The following KIAA0586 variants were observed in gnomAD, a reference collection of about 807,000 sequenced individuals.
KIAA0586 encodes protein TALPID3.
In KIAA0586, 144 loss-of-function variants were observed where a neutral mutation model predicts 169.8. That is an observed-to-expected ratio of 0.85 (90% CI 0.74 to 0.97). KIAA0586 has a LOEUF of 0.97. Ranked by LOEUF, KIAA0586 falls within the 50% of genes least tolerant of loss-of-function variation. The pLI is 0.00. For synonymous variants in KIAA0586, 625 were observed against 612.4 expected (o/e 1.02, Z -0.30); for missense variants, 1,854 against 1,823.0 (o/e 1.02, Z -0.31).
intron 29 of KIAA0586, among the ~76,000 whole-genome samples, chr14:58,535,708 T>C (rs1472575247): frequency 6.6e-6 from 1 of 151,944 alleles, no homozygotes; most frequent in Admixed American, 6.5e-5. Flanking sequence ...GATTTTTTTT[T>C]TTTTTTTTAG....
chr14:58,430,205 C>T (rs1417018046), intron 2 of KIAA0586, among the ~76,000 whole-genome samples: 2 of 149,888 alleles, frequency 1.3e-5, no homozygotes, highest in Non-Finnish European at 3.0e-5. Context: ...TTAATGATAT[C>T]TAAACTTCTC....
At chr14:58,486,665 AAAAC>A (rs2042466807) in intron 21 of KIAA0586, among the ~76,000 whole-genome samples, 2 of 152,264 alleles carry the variant, frequency 1.3e-5, no homozygotes, top group Admixed American at 6.5e-5. Context: ...AAAAATTTTA[AAAAC>A]AAACAACTAC....
intron 25 of KIAA0586, among the ~76,000 whole-genome samples, chr14:58,490,950 T>C (rs1255835338): frequency 6.6e-6 from 1 of 152,146 alleles, no homozygotes; most frequent in Non-Finnish European, 1.5e-5. Context: ...AAATACTTCA[T>C]TAAGAAGTTT....
chr14:58,456,789 A>G lies in KIAA0586; in HGVS notation c.1341A>G (p.Lys447=), dbSNP rs755857778. ...TTCATGACCTTGGCCAAAAAGAGAA[A>G]GAAACAAATAGCATGGTCCAGGTAA... ...DVLHDLGQKE[K]ETNSMVQPKE... Residue 447 remains lysine (K), a synonymous_variant, in exon 10 of 31, where the codon AAA becomes AAG. Coordinates refer to ENST00000652326, the MANE Select transcript of KIAA0586 (RefSeq NM_001329943.3). 30 of 1,588,906 alleles carry G rather than the reference A, an allele frequency of 1.9e-5. No homozygotes were observed. Among genetic ancestry groups the G allele is most frequent in the Non-Finnish European group, 2.5e-5 (29 of 1,162,494 alleles).
chr14:58,445,756 A>G (rs1186531604), intron 6 of KIAA0586, among the ~76,000 whole-genome samples: 1 of 148,554 alleles, frequency 6.7e-6, no homozygotes, highest in Non-Finnish European at 1.5e-5. Context: ...TCTAACTCCT[A>G]GAACACGACT....
intron 14 of KIAA0586, among the ~76,000 whole-genome samples, chr14:58,464,774 GA>G (rs2040605361): frequency 6.6e-6 from 1 of 152,120 alleles, no homozygotes; most frequent in African/African-American, 2.4e-5. Context: ...TCTGATAACT[GA>G]GATGGTAACT....
downstream of KIAA0586, among the ~76,000 whole-genome samples, chr14:58,552,393 A>G (rs1428593104): frequency 6.6e-6 from 1 of 152,202 alleles, no homozygotes; most frequent in Non-Finnish European, 1.5e-5. Context: ...CCTGGAAACA[A>G]TAGGAAATAT....
intron 19 of KIAA0586, among the ~76,000 whole-genome samples, chr14:58,475,764 A>G (rs1400879825): frequency 6.6e-6 from 1 of 152,230 alleles, no homozygotes; most frequent in Non-Finnish European, 1.5e-5. Context: ...TAAACAAAGC[A>G]GGATACTAAC....
At chr14:58,460,348 CCA>C (rs1239739138) in intron 13 of KIAA0586, among the ~76,000 whole-genome samples, 1 of 152,006 alleles carries the variant, frequency 6.6e-6, no homozygotes, top group Non-Finnish European at 1.5e-5. Context: ...ATCATCTAGT[CCA>C]AAAACTAGAT....
At chr14:58,493,428 G>A (rs2042950582) in intron 26 of KIAA0586, among the ~76,000 whole-genome samples, 1 of 152,148 alleles carries the variant, frequency 6.6e-6, no homozygotes, top group Non-Finnish European at 1.5e-5. Context: ...ACTGGTTAAT[G>A]ATGGAGCTGG....
chr14:58,512,016 G>A lies in KIAA0586; in HGVS notation c.4324-506G>A, dbSNP rs60307569. 9.8e-3 allele frequency among the ~76,000 whole-genome samples: 1,498 copies of A among 152,164 alleles called. 25 individuals carry two copies. The highest frequency in any genetic ancestry group is 0.035 in the African/African-American group (1,447 of 41,530). On this transcript the variant is annotated intron_variant, in intron 28 of 30. Transcript: ENST00000652326. ...GAGATGATAGTGCTTATGGTGGAGC[G>A]TATGTTTCTTGAATAGCAAATGGAA... is the stretch of plus-strand genomic sequence containing the variant.
intron 1 of KIAA0586, 89 bp downstream of exon 1, chr14:58,428,552 G>A (rs1278974584): frequency 3.0e-6 from 3 of 991,008 alleles, no homozygotes; most frequent in Non-Finnish European, 4.5e-6. Flanking sequence ...TAAGATATAA[G>A]TCTAGTTTGT....
chr14:58,427,535 A>G, upstream of KIAA0586: 1 of 1,469,120 alleles, frequency 6.8e-7, no homozygotes. Context: ...CTACCTTAAA[A>G]TAAATAAATA....
intron 9 of KIAA0586, among the ~76,000 whole-genome samples, chr14:58,454,151 C>T (rs1157512700): frequency 1.3e-5 from 2 of 152,054 alleles, no homozygotes; most frequent in African/African-American, 4.8e-5. Context: ...TCTGGTTGCA[C>T]CATTTTAATT....
chr14:58,501,363 C>T (rs2043558112), intron 27 of KIAA0586, among the ~76,000 whole-genome samples: 1 of 151,788 alleles, frequency 6.6e-6, no homozygotes, highest in Non-Finnish European at 1.5e-5. Flanking sequence ...ATGTGACTTA[C>T]ATTTATGTCC....
intron 29 of KIAA0586, among the ~76,000 whole-genome samples, chr14:58,530,666 C>T (rs1192479365): frequency 6.6e-6 from 1 of 152,170 alleles, no homozygotes; most frequent in African/African-American, 2.4e-5. Flanking sequence ...TGGACCTCTT[C>T]CTTACACCTT....
At chr14:58,458,966 G>A (rs540480263) in intron 12 of KIAA0586, among the ~76,000 whole-genome samples, 38 of 152,128 alleles carry the variant, frequency 2.5e-4, no homozygotes, top group Non-Finnish European at 4.6e-4. Context: ...TGGAAAAACA[G>A]CCTCTTTCTC....
chr14:58,465,879 A>G lies in KIAA0586; in HGVS notation c.2104A>G (p.Thr702Ala), dbSNP rs558410911. Reference sequence around the variant, plus strand: ...AAGAACACAGACTGACTTCTATGCAACAAAACCTAAGAAGATGGATTCTAA... The same window carrying G: ...AAGAACACAGACTGACTTCTATGCAGCAAAACCTAAGAAGATGGATTCTAA... ...SIRTQTDFYA[T>A]KPKKMDSKMK... Residue 702 changes from threonine to alanine, a missense_variant, in exon 15 of 31, where the codon ACA (threonine) becomes GCA (alanine). Coordinates refer to ENST00000652326, the MANE Select transcript of KIAA0586 (RefSeq NM_001329943.3). The G allele has an allele frequency of 3.7e-6, 6 of 1,612,770 alleles. No homozygotes were observed. The East Asian group carries it at 1.1e-4, about 30-fold the overall frequency.
intron 2 of KIAA0586, 115 bp from the exon 3 acceptor site, chr14:58,430,533 A>G: frequency 1.7e-6 from 1 of 591,682 alleles, no homozygotes; most frequent in African/African-American, 1.9e-5. Context: ...GAAGAATATG[A>G]AATACACAGT....
Sources: allele counts gnomAD v4.1 joint callset (sites outside exome capture counted in the v4.1 genomes callset), GRCh38; gene constraint gnomAD v4.1.1; transcripts MANE v1.5; gene names NCBI Gene and HGNC (gene_info 2026-07-23, HGNC 2026-07-21).